Variants in FSHR observed in about 807,000 individuals in gnomAD.
FSHR encodes the protein follicle-stimulating hormone receptor.
FSHR carries 46 observed loss-of-function variants against 52.1 expected under a neutral mutation model. The observed-to-expected ratio is 0.88, with a 90% CI of 0.70 to 1.13. The LOEUF (loss-of-function observed/expected upper bound fraction) is 1.13, where lower values mean the gene tolerates loss of function less well. Among genes scored for constraint, FSHR ranks in the 50% most tolerant of loss-of-function variants. FSHR has a pLI of 0.00. For missense variants in FSHR, 964 were observed against 834.6 expected (o/e 1.16, Z -1.91); for synonymous variants, 399 against 309.6 (o/e 1.29, Z -3.03).
chr2:49,040,671 T>C (rs1668450344), intron 2 of FSHR, among the ~76,000 whole-genome samples: 1 of 152,056 alleles, frequency 6.6e-6, no homozygotes, highest in Non-Finnish European at 1.5e-5. Context: ...AGAAAAAGAA[T>C]AGCATGGATG....
At chr2:48,992,505 G>T (rs1023605432) in intron 4 of FSHR, among the ~76,000 whole-genome samples, 2 of 152,226 alleles carry the variant, frequency 1.3e-5, no homozygotes, top group African/African-American at 2.4e-5. Context: ...TGGTGTCAGT[G>T]ATTCAGGACT....
chr2:48,990,960 A>G (rs572141420), intron 4 of FSHR, among the ~76,000 whole-genome samples: 19 of 151,982 alleles, frequency 1.3e-4, no homozygotes, highest in Non-Finnish European at 2.6e-4. Flanking sequence ...AAAGTTTCTT[A>G]AAATTTCCCC....
intron 1 of FSHR, among the ~76,000 whole-genome samples, chr2:49,139,530 G>T (rs1472730664): frequency 1.3e-5 from 2 of 151,928 alleles, no homozygotes; most frequent in African/African-American, 4.8e-5. Flanking sequence ...AATTAGGGTT[G>T]TGAGGCATAT....
At chr2:49,113,992 C>T (rs1671514759) in intron 1 of FSHR, among the ~76,000 whole-genome samples, 2 of 152,136 alleles carry the variant, frequency 1.3e-5, no homozygotes, top group Admixed American at 1.3e-4. Flanking sequence ...GGCAGTTTAT[C>T]AAGAGCTCAT....
chr2:49,126,642 G>C (rs1672006706), intron 1 of FSHR, among the ~76,000 whole-genome samples: 1 of 152,186 alleles, frequency 6.6e-6, no homozygotes, highest in Non-Finnish European at 1.5e-5. Context: ...CTTCTGTTTA[G>C]TGGGATTGGA....
At chr2:49,051,344 T>C (rs1336159700) in intron 2 of FSHR, among the ~76,000 whole-genome samples, 1 of 152,176 alleles carries the variant, frequency 6.6e-6, no homozygotes, top group African/African-American at 2.4e-5. Context: ...GCCTCACCAG[T>C]AACCTACTAT....
intron 9 of FSHR, 57 bp downstream of exon 9, chr2:48,968,641 G>C: frequency 1.9e-6 from 3 of 1,571,648 alleles, no homozygotes; most frequent in South Asian, 2.2e-5. Context: ...GGTAGAAATT[G>C]TGGACAAAGT....
intron 6 of FSHR, among the ~76,000 whole-genome samples, chr2:48,984,201 C>A (rs1333263399): frequency 6.6e-6 from 1 of 152,260 alleles, no homozygotes; most frequent in Non-Finnish European, 1.5e-5. Context: ...TCTTTTTCCT[C>A]CTCTTGAAAA....
intron 1 of FSHR, among the ~76,000 whole-genome samples, chr2:49,126,663 G>A (rs910878490): frequency 5.3e-5 from 8 of 152,148 alleles, no homozygotes; most frequent in African/African-American, 1.4e-4. Flanking sequence ...AGGGACTGGG[G>A]ATCACTATGT....
In FSHR at chr2:49,127,751, T is replaced by TTTCTTC. The variant is rs1345639633; in HGVS notation, c.152+26509_152+26514dup. Reference sequence around the variant, plus strand: ...ATTTGTGCATGATTTCTTCTTCTTCTTTCTTCTTCTTCTTCTTCTTCTTCT... The same window carrying TTTCTTC: ...ATTTGTGCATGATTTCTTCTTCTTCTTTCTTCTTCTTCTTCTTCTTCTTCTTCTTCT... On this transcript the variant is annotated intron_variant, in intron 1 of 9. Transcript: ENST00000406846. 5.5e-3 allele frequency among the ~76,000 whole-genome samples: 427 copies of TTTCTTC among 77,386 alleles called. 10 individuals carry two copies. Among genetic ancestry groups the TTTCTTC allele is most frequent in the East Asian group, 8.1e-3 (17 of 2,096 alleles). 50.8% of individuals were successfully genotyped at this position (77,386 alleles called of 152,430 possible).
intron 6 of FSHR, among the ~76,000 whole-genome samples, chr2:48,985,041 G>A (rs923267114): frequency 3.3e-5 from 5 of 152,136 alleles, no homozygotes; most frequent in African/African-American, 7.2e-5. Flanking sequence ...GTAACAAAGG[G>A]AAACCCACAT....
At chr2:49,078,370 A>C (rs1429238344) in intron 1 of FSHR, among the ~76,000 whole-genome samples, 1 of 152,200 alleles carries the variant, frequency 6.6e-6, no homozygotes. Flanking sequence ...ACCTCCCACC[A>C]GGTCCCTGCC....
At chr2:48,965,051 G>T (rs947621876) in intron 9 of FSHR, among the ~76,000 whole-genome samples, 1 of 152,020 alleles carries the variant, frequency 6.6e-6, no homozygotes, top group African/African-American at 2.4e-5. Context: ...TCCCCAAGGG[G>T]CAAGTTCACA....
At chr2:49,026,988 A>G (rs1301385756) in intron 2 of FSHR, among the ~76,000 whole-genome samples, 3 of 152,172 alleles carry the variant, frequency 2.0e-5, no homozygotes, top group Admixed American at 1.3e-4. Context: ...TGAACCCATC[A>G]CAGACAATCA....
rs111503154 is a variant in FSHR at position 49,063,541 on chromosome 2, T to C, written c.224+4678A>G. Reference sequence around the variant, plus strand: ...CAGCAACATAGATAATCTTGGAGGATATTATGTTAAGTGAAATAAGTTAGG... The same window carrying C: ...CAGCAACATAGATAATCTTGGAGGACATTATGTTAAGTGAAATAAGTTAGG... On this transcript the variant is annotated intron_variant, in intron 2 of 9. Transcript: ENST00000406846. Among the ~76,000 whole-genome samples, 1,239 of 152,158 alleles carry C rather than the reference T, an allele frequency of 8.1e-3. 14 individuals are homozygous for C. Among genetic ancestry groups the C allele is most frequent in the African/African-American group, 0.028 (1,163 of 41,514 alleles).
chr2:49,013,485 AATATATATATATATAAATATATATATAT>A (rs1183571616), intron 4 of FSHR, among the ~76,000 whole-genome samples: 2 of 95,736 alleles, frequency 2.1e-5, no homozygotes, highest in South Asian at 3.3e-4. Flanking sequence ...TATATAAATA[AATATATATATATATAAATATATATATAT>A]ATAAATATAT....
intron 8 of FSHR, among the ~76,000 whole-genome samples, chr2:48,978,768 C>G (rs1675107011): frequency 6.6e-6 from 1 of 152,214 alleles, no homozygotes; most frequent in South Asian, 2.1e-4. Context: ...CCCTGGCTTT[C>G]TCTGCATCTA....
chr2:49,013,593 G>A (rs4992637), intron 4 of FSHR, among the ~76,000 whole-genome samples: 98,722 of 147,244 alleles, frequency 0.67, 34,897 homozygotes, highest in Non-Finnish European at 0.77. Context: ...TGCCTTTGGA[G>A]GGCAGAGTTG....
chr2:49,031,196 C>T (rs577639669), intron 2 of FSHR, among the ~76,000 whole-genome samples: 4 of 152,192 alleles, frequency 2.6e-5, no homozygotes, highest in East Asian at 1.9e-4. Context: ...TGGCTCTGTG[C>T]GGAGGGAGAA....
Sources: gnomAD v4.1 joint callset for allele counts (sites outside exome capture counted in the v4.1 genomes callset) on GRCh38, gnomAD v4.1.1 for gene constraint, MANE v1.5 for transcripts, NCBI Gene and HGNC (gene_info 2026-07-23, HGNC 2026-07-21) for gene names.